Variants in CENPP observed in about 807,000 individuals in gnomAD.
CENPP encodes the protein centromere protein P.
A neutral mutation model predicts 35.6 loss-of-function variants in CENPP; 24 were observed. That is an observed-to-expected ratio of 0.67 (90% confidence interval 0.49 to 0.95). The LOEUF (loss-of-function observed/expected upper bound fraction) is 0.95. CENPP is among the 40% of genes least tolerant of loss of function. The pLI, the probability that CENPP is intolerant of heterozygous loss-of-function variation, is 0.00. For synonymous variants in CENPP, 120 were observed against 125.5 expected, an observed-to-expected ratio of 0.96 and a Z score of 0.29; for missense variants, 332 against 345.3, an observed-to-expected ratio of 0.96 and a Z score of 0.31.
At chr9:92,409,772 A>C (rs1843397520) in intron 5 of CENPP, among the ~76,000 whole-genome samples, 1 of 152,128 alleles carries the variant, frequency 6.6e-6, no homozygotes, top group African/African-American at 2.4e-5. Context: ...TAATAAATGA[A>C]TTTTCACATT....
chr9:92,572,627 T>C (rs970768083), intron 5 of CENPP, among the ~76,000 whole-genome samples: 10 of 152,194 alleles, frequency 6.6e-5, no homozygotes, highest in African/African-American at 2.2e-4. Context: ...TGAATTTGAA[T>C]GTTGGCCTGC....
At chr9:92,494,087 C>G (rs779739407) in intron 5 of CENPP, 11 of 1,597,364 alleles carry the variant, frequency 6.9e-6, no homozygotes, top group Non-Finnish European at 7.6e-6. Flanking sequence ...TTGCCTCTAC[C>G]AGAGAGGAAA....
At chr9:92,372,099 CTTTTTTTTTTTTTTTT>C (rs71362382) in intron 4 of CENPP, among the ~76,000 whole-genome samples, 32 of 30,684 alleles carry the variant, frequency 1.0e-3, no homozygotes, top group Admixed American at 2.7e-3. Context: ...TGCCAGCCAT[CTTTTTTTTTTTTTTTT>C]TTTTTTTTTT....
intron 5 of CENPP, chr9:92,457,315 G>T: frequency 1.2e-6 from 2 of 1,614,034 alleles, no homozygotes; most frequent in South Asian, 2.2e-5. Context: ...CAAGCTGAAC[G>T]CTCATTCTGC....
chr9:92,327,151 A>C (rs1047831207), intron 1 of CENPP, among the ~76,000 whole-genome samples: 1 of 152,272 alleles, frequency 6.6e-6, no homozygotes, highest in Non-Finnish European at 1.5e-5. Flanking sequence ...ATTTTAAAAA[A>C]ATACACTGCC....
At chr9:92,379,934 A>T in intron 5 of CENPP, 75 bp downstream of exon 5, 2 of 929,044 alleles carry the variant, frequency 2.2e-6, no homozygotes, top group Non-Finnish European at 3.5e-6. Flanking sequence ...CATCCCTAAC[A>T]TCCTTTTCTT....
chr9:92,454,875 A>C (rs1462848731), intron 5 of CENPP, among the ~76,000 whole-genome samples: 1 of 152,170 alleles, frequency 6.6e-6, no homozygotes, highest in Non-Finnish European at 1.5e-5. Context: ...ATTTATTATT[A>C]AAATCATACT....
At chr9:92,487,376 G>C (rs1358112082) in intron 5 of CENPP, among the ~76,000 whole-genome samples, 1 of 152,078 alleles carries the variant, frequency 6.6e-6, no homozygotes, top group Non-Finnish European at 1.5e-5. Flanking sequence ...ACTCAGAAAA[G>C]GAACATAGAA....
chr9:92,553,521 A>T (rs970460563), intron 5 of CENPP, among the ~76,000 whole-genome samples: 4 of 152,098 alleles, frequency 2.6e-5, no homozygotes, highest in African/African-American at 9.7e-5. Flanking sequence ...CACAATATTG[A>T]TTCTACCCAT....
At chr9:92,429,119 G>A (rs1844039837) in intron 5 of CENPP, among the ~76,000 whole-genome samples, 1 of 152,136 alleles carries the variant, frequency 6.6e-6, no homozygotes, top group Admixed American at 6.6e-5. Context: ...GTCAATAGTG[G>A]GTGCTCAATA....
intron 3 of CENPP, among the ~76,000 whole-genome samples, chr9:92,339,197 T>C (rs1007004242): frequency 3.3e-5 from 5 of 152,184 alleles, no homozygotes; most frequent in African/African-American, 4.8e-5. Context: ...CTGAGTCCTA[T>C]GGACAAGCTG....
chr9:92,607,829 C>A (rs1851124004), intron 5 of CENPP, among the ~76,000 whole-genome samples: 1 of 152,172 alleles, frequency 6.6e-6, no homozygotes, highest in East Asian at 1.9e-4. Context: ...GCAGCTATTA[C>A]AACAGCACAG....
intron 5 of CENPP, among the ~76,000 whole-genome samples, chr9:92,546,907 C>G (rs1004395854): frequency 1.3e-5 from 2 of 152,160 alleles, no homozygotes; most frequent in Non-Finnish European, 2.9e-5. Context: ...TACCACAGGT[C>G]TCTATATTCT....
chr9:92,420,291 A>G (rs1405203433), intron 5 of CENPP, among the ~76,000 whole-genome samples: 1 of 152,120 alleles, frequency 6.6e-6, no homozygotes, highest in Admixed American at 6.5e-5. Context: ...ATACCTCCCA[A>G]CATTGTCAGT....
intron 5 of CENPP, chr9:92,502,655 A>G: frequency 2.6e-6 from 4 of 1,557,806 alleles, no homozygotes; most frequent in Admixed American, 1.8e-5. Flanking sequence ...TATAATTCCT[A>G]TAATTAAGAG....
At chr9:92,567,391 T>TATATATATATATAG (rs374567670) in intron 5 of CENPP, among the ~76,000 whole-genome samples, 1 of 98,378 alleles carries the variant, frequency 1.0e-5, no homozygotes, top group East Asian at 2.2e-4. Context: ...TATATATATA[T>TATATATATATATAG]ATATAGATAT....
intron 5 of CENPP, among the ~76,000 whole-genome samples, chr9:92,602,355 A>G (rs1392234279): frequency 6.6e-6 from 1 of 152,222 alleles, no homozygotes; most frequent in Non-Finnish European, 1.5e-5. Flanking sequence ...TGGTGTTGCC[A>G]TGAGCCATCA....
intron 5 of CENPP, chr9:92,401,197 A>G: frequency 1.6e-6 from 2 of 1,266,550 alleles, no homozygotes; most frequent in South Asian, 1.2e-5. Flanking sequence ...TATTGGAAAA[A>G]TAAAAGTTTG....
chr9:92,568,420 A>AT (rs1296985438), intron 5 of CENPP, among the ~76,000 whole-genome samples: 2 of 152,028 alleles, frequency 1.3e-5, no homozygotes, highest in African/African-American at 2.4e-5. Flanking sequence ...TGAACTCGTC[A>AT]TTTTTTATGG....
Sources: allele counts gnomAD v4.1 joint callset (sites outside exome capture counted in the v4.1 genomes callset), GRCh38; gene constraint gnomAD v4.1.1; transcripts MANE v1.5; gene names NCBI Gene and HGNC (gene_info 2026-07-23, HGNC 2026-07-21).